The following PSMD1 variants were observed in gnomAD, a reference collection of about 807,000 sequenced individuals.
PSMD1 encodes 26S proteasome non-ATPase regulatory subunit 1.
In PSMD1, 18 loss-of-function variants were observed where a neutral mutation model predicts 119.0. The ratio of observed to expected loss-of-function variants is 0.15; its 90% CI spans 0.10 to 0.22. The LOEUF (loss-of-function observed/expected upper bound fraction) is 0.22, where lower values mean the gene tolerates loss of function less well. PSMD1 is among the 10% of genes least tolerant of loss of function. The probability of loss-of-function intolerance (pLI) is 1.00; values close to 1 mark genes in which losing one functional copy is unlikely to be tolerated. For missense variants in PSMD1, 702 were observed against 1,158.5 expected, an observed-to-expected ratio of 0.61 and a Z score of 5.72; for synonymous variants, 374 against 396.6, an observed-to-expected ratio of 0.94 and a Z score of 0.68.
chr2:231,116,920 GA>G (rs1019677414), intron 16 of PSMD1, among the ~76,000 whole-genome samples: 1 of 151,642 alleles, frequency 6.6e-6, no homozygotes, highest in African/African-American at 2.4e-5. Context: ...TAATATAAAA[GA>G]AAAAGATAAC....
chr2:231,083,777 C>G lies in PSMD1; in HGVS notation c.1722+14C>G. The G allele has an allele frequency of 6.2e-7, 1 of 1,612,450 alleles. No homozygotes were observed. Among genetic ancestry groups the G allele is most frequent in the Non-Finnish European group, 8.5e-7 (1 of 1,178,770 alleles). On this transcript the variant is annotated intron_variant, in intron 14 of 24. Transcript: ENST00000308696. ...TGTCGTGACAAGGTGAGATCACATA[C>G]GTCCCTCACTGTCCATTTATCTCCA...
intron 12 of PSMD1, among the ~76,000 whole-genome samples, chr2:231,081,854 C>T (rs185135669): frequency 1.6e-4 from 25 of 152,200 alleles, no homozygotes; most frequent in African/African-American, 6.0e-4. Context: ...TTTTTCTCCT[C>T]TGTCTTTAGC....
At chr2:231,153,755 TTGAGTC>T in intron 19 of PSMD1, 89 bp downstream of exon 19, 1 of 952,156 alleles carries the variant, frequency 1.1e-6, no homozygotes, top group African/African-American at 1.7e-5. Context: ...ATAATGGAAA[TTGAGTC>T]TGAGGCAAAT....
chr2:231,090,430 G>A (rs765657222), intron 16 of PSMD1, among the ~76,000 whole-genome samples: 4 of 152,116 alleles, frequency 2.6e-5, no homozygotes, highest in Non-Finnish European at 5.9e-5. Flanking sequence ...ATGGTGGCAG[G>A]TGCCTGTAAT....
rs530870517 is a variant in PSMD1 at position 231,068,701 on chromosome 2, G to A, written c.511-1324G>A. Among the ~76,000 whole-genome samples, 31 of 152,160 alleles carry A rather than the reference G, an allele frequency of 2.0e-4. No homozygotes were observed. In the South Asian group the frequency reaches 4.2e-3, roughly 20 times the overall value. ...TACACTGCCTATTAGTCACTTTAGTGGCCACCTTGCTTATCAGATTGACTG... is the reference window on the plus strand; with the variant it reads ...TACACTGCCTATTAGTCACTTTAGTAGCCACCTTGCTTATCAGATTGACTG... On this transcript the variant is annotated intron_variant, in intron 5 of 24. Transcript: ENST00000308696.
At chr2:231,129,311 A>G (rs1393236265) in intron 16 of PSMD1, among the ~76,000 whole-genome samples, 1 of 152,234 alleles carries the variant, frequency 6.6e-6, no homozygotes, top group African/African-American at 2.4e-5. Flanking sequence ...AAGTGTGCTA[A>G]TAATGCTGCA....
At position 231,170,854 on chromosome 2, in the gene PSMD1, TC is replaced by T; in HGVS notation, c.*9+137del. ...TATTTACCTAAACAGTATTAAAACT[TC>T]CCCGTTTCAACCTTTTTCTGCATAT... On this transcript the variant is annotated intron_variant, in intron 24 of 24. Transcript: ENST00000308696. The surrounding 1 kb of genome is among the most constrained non-coding windows in gnomAD (Gnocchi z 4.1). 1 of 991,478 alleles carries T rather than the reference TC, an allele frequency of 1.0e-6. No individual in the cohort carries two copies. The highest frequency in any genetic ancestry group is 1.4e-6 in the Non-Finnish European group (1 of 712,250). The allele number at this position is 991,478 out of a possible 1,614,324, so 61.4% of individuals were successfully genotyped here. A position where few individuals can be genotyped will look rare whatever the true frequency, so the allele number is the denominator to read the frequency against.
chr2:231,170,550 G>A lies in PSMD1; in HGVS notation c.2716-16G>A, dbSNP rs187102643. 23 of 1,601,096 alleles carry A rather than the reference G, an allele frequency of 1.4e-5. No homozygotes were observed. The highest frequency in any genetic ancestry group is 9.4e-5 in the African/African-American group (7 of 74,234). On this transcript the variant is annotated splice_polypyrimidine_tract_variant and intron_variant, in intron 23 of 24. Transcript: ENST00000308696. The surrounding 1 kb of genome is among the most constrained non-coding windows in gnomAD (Gnocchi z 4.1). ...GAAATATGAGTGTACGCTTCTGCAC[G>A]CCCCTGTGTTTCCAGCTCTCTATTG...
At chr2:231,165,037 TATATATATATATATATATATATA>T (rs1696736308) in intron 21 of PSMD1, 140 bp from the exon 22 acceptor site, 25 of 7,986 alleles carry the variant, frequency 3.1e-3, no homozygotes, top group Admixed American at 4.6e-3. Context: ...TATATATTTA[TATATATATATATATATATATATA>T]TATATATATA....
intron 17 of PSMD1, among the ~76,000 whole-genome samples, chr2:231,143,592 G>A (rs774377082): frequency 3.3e-5 from 5 of 152,146 alleles, no homozygotes; most frequent in Non-Finnish European, 7.3e-5. Flanking sequence ...GAAGTTATAC[G>A]GGGCAAAAGA....
rs61731725 is a variant in PSMD1 at position 231,109,341 on chromosome 2, C to A, written c.1883+22160C>A. 1.3e-3 allele frequency: 2,044 copies of A among 1,614,008 alleles called. 26 individuals carry two copies. The African/African-American group carries it at 0.025, about 20-fold the overall frequency. The stretch of plus-strand genomic sequence containing the variant: ...TCGCCAAAACGTTCCTTTGTCAGCA[C>A]ACAAGTGATATTGTTTGGGTTGTCC... On this transcript the variant is annotated intron_variant, in intron 16 of 24. Transcript: ENST00000308696.
chr2:231,107,358 A>G (rs1695001639), intron 16 of PSMD1, among the ~76,000 whole-genome samples: 1 of 152,218 alleles, frequency 6.6e-6, no homozygotes, highest in African/African-American at 2.4e-5. Flanking sequence ...TCATAGGTCG[A>G]GGGACAAATA....
At chr2:231,093,490 AGC>A (rs1457172991) in intron 16 of PSMD1, among the ~76,000 whole-genome samples, 2 of 152,138 alleles carry the variant, frequency 1.3e-5, no homozygotes, top group African/African-American at 4.8e-5. Flanking sequence ...GTTGGGTCCT[AGC>A]CACACCATGG....
chr2:231,060,845 A>G (rs1215072676), intron 1 of PSMD1, among the ~76,000 whole-genome samples: 5 of 152,232 alleles, frequency 3.3e-5, no homozygotes, highest in Admixed American at 1.3e-4. Context: ...CTAAAATTGT[A>G]TAGGAAAGTT....
chr2:231,094,002 A>G (rs897424102), intron 16 of PSMD1, among the ~76,000 whole-genome samples: 1 of 152,210 alleles, frequency 6.6e-6, no homozygotes, highest in African/African-American at 2.4e-5. Context: ...CAGGAAAAGT[A>G]TGTGCACTAA....
chr2:231,084,451 C>A (rs543258602), intron 14 of PSMD1, among the ~76,000 whole-genome samples: 1 of 152,042 alleles, frequency 6.6e-6, no homozygotes, highest in South Asian at 2.1e-4. Flanking sequence ...GTACCAATCT[C>A]TATACTTGTT....
At position 231,146,230 on chromosome 2, in the gene PSMD1, A is replaced by T. The variant is rs1342508351; in HGVS notation, c.1999-10A>T. 2.5e-6 allele frequency: 4 copies of T among 1,590,484 alleles called. No individual in the cohort carries two copies. The highest frequency in any genetic ancestry group is 3.4e-6 in the Non-Finnish European group (4 of 1,159,886). On this transcript the variant is annotated splice_polypyrimidine_tract_variant and intron_variant, in intron 17 of 24. Coordinates refer to ENST00000308696, the MANE Select transcript of PSMD1 (RefSeq NM_002807.4). Reference sequence around the variant, plus strand: ...ATTTAAAAGTTGTGTGTTTTTTTAAATTCTTTCAGGAAGCCATTAATTTGC... The same window carrying T: ...ATTTAAAAGTTGTGTGTTTTTTTAATTTCTTTCAGGAAGCCATTAATTTGC...
intron 16 of PSMD1, among the ~76,000 whole-genome samples, chr2:231,102,148 T>G (rs1478164218): frequency 6.6e-6 from 1 of 152,116 alleles, no homozygotes; most frequent in African/African-American, 2.4e-5. Context: ...GGTATATACA[T>G]TTTTTTGGAC....
chr2:231,164,021 T>C (rs1254077217), intron 21 of PSMD1, among the ~76,000 whole-genome samples: 2 of 152,226 alleles, frequency 1.3e-5, no homozygotes, highest in East Asian at 3.8e-4. Context: ...TGTTTTCACA[T>C]TAACTATATT....
Sources: allele counts gnomAD v4.1 joint callset (sites outside exome capture counted in the v4.1 genomes callset), GRCh38; gene constraint gnomAD v4.1.1; non-coding constraint Gnocchi (gnomAD v3.1); transcripts MANE v1.5; gene names NCBI Gene and HGNC (gene_info 2026-07-23, HGNC 2026-07-21).